ZNF423: variants seen among roughly 807,000 people sequenced by gnomAD.
ZNF423 encodes Ebf-associated zinc finger protein.
Under a neutral mutation model 95.8 loss-of-function variants are expected in ZNF423, and 12 were observed. The ratio of observed to expected loss-of-function variants is 0.13; its 90% confidence interval spans 0.08 to 0.20. The LOEUF (loss-of-function observed/expected upper bound fraction) is 0.20. ZNF423 is among the 10% of genes least tolerant of loss of function. The pLI, the probability that ZNF423 is intolerant of heterozygous loss-of-function variation, is 1.00. For missense variants in ZNF423, 1,316 were observed against 1,737.1 expected (o/e 0.76, Z 4.31); for synonymous variants, 749 against 711.9 (o/e 1.05, Z -0.83).
chr16:49,854,241 A>G, intron 1 of ZNF423: 2 of 985,404 alleles, frequency 2.0e-6, no homozygotes, highest in Non-Finnish European at 2.4e-6. Flanking sequence ...TCTCTCAGGG[A>G]AAAGGAGGAG....
chr16:49,608,966 T>C (rs1259410734), intron 5 of ZNF423, among the ~76,000 whole-genome samples: 3 of 152,146 alleles, frequency 2.0e-5, no homozygotes, highest in African/African-American at 7.2e-5. Context: ...GCCAAGACAG[T>C]CATACTTGCT....
At chr16:49,495,887 C>T (rs1352201909) in intron 7 of ZNF423, among the ~76,000 whole-genome samples, 7 of 152,240 alleles carry the variant, frequency 4.6e-5, no homozygotes, top group African/African-American at 1.2e-4. Context: ...GTTGCTTAGG[C>T]GTGGGACCCT....
At chr16:49,574,150 G>C (rs2151791373) in intron 5 of ZNF423, among the ~76,000 whole-genome samples, 1 of 152,346 alleles carries the variant, frequency 6.6e-6, no homozygotes, top group South Asian at 2.1e-4. Flanking sequence ...TTGGGAGGCT[G>C]AGGCGGGAGG....
At chr16:49,720,065 A>G (rs1289102866) in intron 3 of ZNF423, among the ~76,000 whole-genome samples, 3 of 152,148 alleles carry the variant, frequency 2.0e-5, no homozygotes, top group Non-Finnish European at 4.4e-5. Context: ...AGGGCTTGAC[A>G]CACCATTACC....
intron 7 of ZNF423, among the ~76,000 whole-genome samples, chr16:49,515,090 C>T (rs996788747): frequency 5.3e-5 from 8 of 152,250 alleles, no homozygotes; most frequent in Admixed American, 1.3e-4. Context: ...ATCTCCGTGA[C>T]GAGAATGAAT....
chr16:49,755,871 A>G (rs1388909075), intron 2 of ZNF423, among the ~76,000 whole-genome samples: 1 of 152,180 alleles, frequency 6.6e-6, no homozygotes, highest in Non-Finnish European at 1.5e-5. Flanking sequence ...TCAGCCAACA[A>G]GTGTTGCCGG....
chr16:49,766,154 T>C (rs752174909), intron 2 of ZNF423, among the ~76,000 whole-genome samples: 7 of 152,220 alleles, frequency 4.6e-5, no homozygotes, highest in Non-Finnish European at 7.3e-5. Flanking sequence ...TGAGAAAATG[T>C]ATAGCAGGCA....
At chr16:49,701,464 T>G (rs2032180498) in intron 3 of ZNF423, among the ~76,000 whole-genome samples, 6 of 141,204 alleles carry the variant, frequency 4.2e-5, no homozygotes, top group East Asian at 2.1e-4. Context: ...AGAGGGGAGG[T>G]GAGAGGAGGA....
At chr16:49,780,015 G>C (rs1035305643) in intron 2 of ZNF423, among the ~76,000 whole-genome samples, 2 of 152,178 alleles carry the variant, frequency 1.3e-5, no homozygotes, top group Non-Finnish European at 2.9e-5. Flanking sequence ...CTGCCATCAG[G>C]GAAGCCCCAA....
chr16:49,769,581 T>C (rs2143698899), intron 2 of ZNF423, among the ~76,000 whole-genome samples: 2 of 151,920 alleles, frequency 1.3e-5, no homozygotes, highest in South Asian at 4.2e-4. Flanking sequence ...TGCAAAGCCC[T>C]CCCTGGTTCC....
intron 5 of ZNF423, among the ~76,000 whole-genome samples, chr16:49,583,728 G>A (rs983317110): frequency 1.3e-5 from 2 of 152,206 alleles, no homozygotes; most frequent in Admixed American, 6.5e-5. Context: ...CCTAGCAAGT[G>A]TGACATAGTG....
At chr16:49,768,088 C>G (rs1333250211) in intron 2 of ZNF423, among the ~76,000 whole-genome samples, 1 of 152,238 alleles carries the variant, frequency 6.6e-6, no homozygotes, top group African/African-American at 2.4e-5. Context: ...GTGCGGCTGG[C>G]CCACTTCCGC....
At chr16:49,504,631 G>C (rs540285253) in intron 7 of ZNF423, among the ~76,000 whole-genome samples, 8 of 152,182 alleles carry the variant, frequency 5.3e-5, no homozygotes, top group Middle Eastern at 3.4e-3. Flanking sequence ...TAAGAGAAAG[G>C]GTTGCTGCAC....
At chr16:49,770,540 G>A (rs2034013681) in intron 2 of ZNF423, among the ~76,000 whole-genome samples, 1 of 152,142 alleles carries the variant, frequency 6.6e-6, no homozygotes, top group African/African-American at 2.4e-5. Context: ...CATAGGCTCT[G>A]AAGGGCAGGA....
At chr16:49,805,629 T>C (rs1425620101) in intron 1 of ZNF423, among the ~76,000 whole-genome samples, 1 of 152,120 alleles carries the variant, frequency 6.6e-6, no homozygotes, top group Admixed American at 6.6e-5. Context: ...AGGGTTGAAA[T>C]GACTCCTTTT....
At chr16:49,831,872 G>A (rs1264217253) in intron 1 of ZNF423, among the ~76,000 whole-genome samples, 1 of 151,700 alleles carries the variant, frequency 6.6e-6, no homozygotes, top group Non-Finnish European at 1.5e-5. Context: ...ATGGTGGGGC[G>A]TGCCTCTAGT....
At position 49,635,245 on chromosome 16, in the gene ZNF423, A is replaced by G. The variant is rs1011460504; in HGVS notation, c.3516+415T>C. On this transcript the variant is annotated intron_variant, in intron 4 of 7. Coordinates refer to ENST00000563137, the MANE Select transcript of ZNF423 (RefSeq NM_001379286.1). The surrounding 1 kb of genome is among the most constrained non-coding windows in gnomAD (Gnocchi z 4.8). Reference sequence around the variant, plus strand: ...AGAAGTCAGTGACTTGCCTAAGGAGACCCAATAAGCAAATGAGTATGTCAT... The same window carrying G: ...AGAAGTCAGTGACTTGCCTAAGGAGGCCCAATAAGCAAATGAGTATGTCAT... 2.6e-5 allele frequency among the ~76,000 whole-genome samples: 4 copies of G among 152,060 alleles called. No homozygotes were observed. Among genetic ancestry groups the G allele is most frequent in the African/African-American group, 9.7e-5 (4 of 41,376 alleles).
chr16:49,491,938 T>C (rs1324056015), intron 7 of ZNF423, among the ~76,000 whole-genome samples: 6 of 152,156 alleles, frequency 3.9e-5, no homozygotes, highest in Admixed American at 3.9e-4. Flanking sequence ...CCTGCCTGCT[T>C]GGTCACATGG....
chr16:49,682,456 G>A (rs2031402894), intron 3 of ZNF423, among the ~76,000 whole-genome samples: 1 of 152,234 alleles, frequency 6.6e-6, no homozygotes, highest in Non-Finnish European at 1.5e-5. Context: ...GTCCACACTT[G>A]CAATGCCAGG....
Sources: gnomAD v4.1 joint callset for allele counts (sites outside exome capture counted in the v4.1 genomes callset) on GRCh38, gnomAD v4.1.1 for gene constraint, Gnocchi (gnomAD v3.1) non-coding constraint, MANE v1.5 for transcripts, NCBI Gene and HGNC (gene_info 2026-07-23, HGNC 2026-07-21) for gene names.